The following ZNF703 variants were observed in gnomAD, a reference collection of about 807,000 sequenced individuals.
The protein encoded by ZNF703 is NocA-like zinc finger 1.
ZNF703 carries 18 observed loss-of-function variants against 30.7 expected under a neutral mutation model. The observed-to-expected ratio is 0.59, with a 90% confidence interval of 0.40 to 0.87. ZNF703 has a LOEUF of 0.87. Among genes scored for constraint, ZNF703 ranks in the 40% least tolerant of loss-of-function variants. The pLI is 0.00. For synonymous variants in ZNF703, 457 were observed against 438.6 expected (o/e 1.04, Z -0.52); for missense variants, 814 against 847.8 (o/e 0.96, Z 0.50).
chr8:37,697,278 C>G lies in ZNF703; in HGVS notation c.377C>G (p.Pro126Arg). The G allele has an allele frequency of 6.4e-7, 1 of 1,572,108 alleles. No homozygotes were observed. The highest frequency in any genetic ancestry group is 1.8e-5 in the Admixed American group (1 of 54,526). Residue 126 changes from proline (P) to arginine (R), a missense_variant, in exon 2 of 2, where the codon CCC becomes CGC. By Grantham distance (103) the Pro-to-Arg change is moderately radical. Transcript: ENST00000331569. ...AACGGGCTGGGAGCGGAGAAGGACC[C>G]CGGCCGCTCAGCCCCGGGCGCCGCC... is the stretch of plus-strand genomic sequence containing the variant. The part of the protein sequence containing the change: ...AANGLGAEKD[P>R]GRSAPGAASA...
Position 37,698,260 on chromosome 8 carries a change from G to T in ZNF703, c.1359G>T (p.Pro453=). ...YTYGFMLQNE[P]LPHSCNWVAA... ...ACGGCTTCATGCTGCAGAACGAACC[G>T]CTGCCGCACAGCTGCAACTGGGTGG... The change falls in exon 2 of 2, where the codon CCG becomes CCT. Residue 453 remains proline, a synonymous_variant. Transcript: ENST00000331569. 1 of 1,537,946 alleles carries T rather than the reference G, an allele frequency of 6.5e-7. No individual in the cohort carries two copies. Among genetic ancestry groups the T allele is most frequent in the Non-Finnish European group, 8.7e-7 (1 of 1,147,262 alleles).
Position 37,697,171 on chromosome 8 carries a change from G to A in ZNF703, c.270G>A (p.Ala90=). 1.3e-5 allele frequency: 20 copies of A among 1,583,910 alleles called. No individual in the cohort carries two copies. The highest frequency in any genetic ancestry group is 4.8e-5 in the East Asian group (2 of 42,020). ...TGGACGCCAAGAAGAGCCCCTTGGC[G>A]CTGCTGGCTCAGACCTGCTCGCAGA... ...IELDAKKSPL[A]LLAQTCSQIG... Residue 90 remains alanine (A), a synonymous_variant, in exon 2 of 2, where the codon GCG becomes GCA. Transcript: ENST00000331569.
Position 37,697,822 on chromosome 8 carries a change from G to C in ZNF703, c.921G>C (p.Pro307=). The C allele has an allele frequency of 6.5e-7, 1 of 1,533,496 alleles. No homozygotes were observed. Among genetic ancestry groups the C allele is most frequent in the Non-Finnish European group, 8.7e-7 (1 of 1,145,834 alleles). 95.0% of individuals were successfully genotyped at this position (1,533,496 alleles called of 1,614,324 possible). A position where few individuals can be genotyped will look rare whatever the true frequency, so the allele number is the denominator to read the frequency against. The change falls in exon 2 of 2, where the codon CCG becomes CCC. Residue 307 remains proline (P), a synonymous_variant. Transcript: ENST00000331569. Reference sequence around the variant, plus strand: ...ACAAGCCGGGCCACTCGGTGTTCCCGCTGCCGCCCTCCAGCATTGGCTACC... The same window carrying C: ...ACAAGCCGGGCCACTCGGTGTTCCCCCTGCCGCCCTCCAGCATTGGCTACC... The part of the protein sequence containing the change: ...SPYKPGHSVF[P]LPPSSIGYHG...
Position 37,697,955 on chromosome 8 carries a change from C to G in ZNF703, c.1054C>G (p.Leu352Val). 6.4e-7 allele frequency: 1 copy of G among 1,553,894 alleles called. No homozygotes were observed. The highest frequency in any genetic ancestry group is 8.6e-7 in the Non-Finnish European group (1 of 1,156,496). Residue 352 changes from leucine (L) to valine (V), a missense_variant, in exon 2 of 2, where the codon CTG becomes GTG. Leu to Val is a conservative substitution (Grantham distance 32, BLOSUM62 1). Transcript: ENST00000331569. ...VGGQLSGGLG[L>V]PPGKPPSSSP... ...AGGCCAGCTGTCTGGGGGCCTGGGC[C>G]TGCCGCCGGGCAAGCCCCCCAGCTC...
chr8:37,696,130 A>G lies in ZNF703; in HGVS notation c.151A>G (p.Arg51Gly), dbSNP rs1439319339. Reference sequence around the variant, plus strand: ...GCGCCAGGCGAACCGGCTCCCGATCAGGGTCCTGAAGATGCTGAGCGCTCA... The same window carrying G: ...GCGCCAGGCGAACCGGCTCCCGATCGGGGTCCTGAAGATGCTGAGCGCTCA... ...PLRQANRLPI[R>G]VLKMLSAHTG... The change falls in exon 1 of 2, where the codon AGG becomes GGG. Residue 51 changes from arginine (R) to glycine (G), a missense_variant. Arg to Gly is a moderately radical substitution (Grantham distance 125). Coordinates refer to ENST00000331569, the MANE Select transcript of ZNF703 (RefSeq NM_025069.3). This position sits in a 1 kb window ranked among gnomAD's most constrained non-coding sequence, Gnocchi z 8.2. 1.9e-6 allele frequency: 3 copies of G among 1,610,950 alleles called. No homozygotes were observed. The highest frequency in any genetic ancestry group is 1.7e-5 in the Admixed American group (1 of 59,876).
In ZNF703 at chr8:37,696,021, A is replaced by G. The variant is rs1158422931; in HGVS notation, c.42A>G (p.Glu14=). Residue 14 remains glutamate (E), a synonymous_variant, in exon 1 of 2, where the codon GAA becomes GAG. Coordinates refer to ENST00000331569, the MANE Select transcript of ZNF703 (RefSeq NM_025069.3). The surrounding 1 kb of genome is among the most constrained non-coding windows in gnomAD (Gnocchi z 8.2). ...CTGGATCTAACCCAAGGACACCCGA[A>G]AGCAGCGGCAGCGGCAGCGGCGGCG... ...SPAGSNPRTP[E]SSGSGSGGGG... is the part of the protein sequence containing the mutation. The G allele has an allele frequency of 4.5e-6, 7 of 1,549,640 alleles. No individual in the cohort carries two copies. The South Asian group carries it at 8.3e-5, about 18-fold the overall frequency.
Position 37,698,415 on chromosome 8 carries a change from GCGCCGCCGCCGC to G in ZNF703, c.1531_1542del (p.Ala511_Ala514del), listed in dbSNP as rs568050040. On this transcript the variant is annotated inframe_deletion, in exon 2 of 2. Coordinates refer to ENST00000331569, the MANE Select transcript of ZNF703 (RefSeq NM_025069.3). The stretch of plus-strand genomic sequence containing the variant: ...TACCCCGGGGCCTCGGGCCTGGGCA[GCGCCGCCGCCGC>G]CGCCGCCGCCGCCGCCTCCTGCCAT... The G allele has an allele frequency of 9.7e-5, 144 of 1,483,618 alleles. 2 individuals carry two copies. Among genetic ancestry groups the G allele is most frequent in the Admixed American group, 6.2e-4 (24 of 38,916 alleles). 91.9% of individuals were successfully genotyped at this position (1,483,618 alleles called of 1,614,324 possible). A position where few individuals can be genotyped will look rare whatever the true frequency, so the allele number is the denominator to read the frequency against.
Position 37,695,904 on chromosome 8 carries a change from C to A in ZNF703, c.-76C>A. On this transcript the variant is annotated 5_prime_UTR_variant, in exon 1 of 2. Coordinates refer to ENST00000331569, the MANE Select transcript of ZNF703 (RefSeq NM_025069.3). ...ACCGCGATCGACGCTGCGGAGCGAG[C>A]CCACCCGCCCCGGGAGCTCGCCTCC... The A allele has an allele frequency of 1.7e-6, 2 of 1,193,012 alleles. No individual in the cohort carries two copies. The highest frequency in any genetic ancestry group is 2.2e-6 in the Non-Finnish European group (2 of 892,236). The allele number at this position is 1,193,012 out of a possible 1,614,324, so 73.9% of individuals were successfully genotyped here. A position where few individuals can be genotyped will look rare whatever the true frequency, so the allele number is the denominator to read the frequency against.
Position 37,697,544 on chromosome 8 carries a change from T to A in ZNF703, c.643T>A (p.Ser215Thr). 6.8e-7 allele frequency: 1 copy of A among 1,475,228 alleles called. No individual in the cohort carries two copies. Among genetic ancestry groups the A allele is most frequent in the East Asian group, 2.7e-5 (1 of 37,044 alleles). The allele number at this position is 1,475,228 out of a possible 1,614,324, so 91.4% of individuals were successfully genotyped here. ...HGAPVSASSS[S>T]SSPGGSRGGS... is the part of the protein sequence containing the mutation. ...AGCGCCGGTCTCCGCATCCTCGTCC[T>A]CGTCGTCGCCCGGCGGCTCCCGCGG... Residue 215 changes from serine (S) to threonine (T), a missense_variant, in exon 2 of 2, where the codon TCG becomes ACG. Ser to Thr is a moderately conservative substitution (Grantham distance 58). Transcript: ENST00000331569.
chr8:37,697,576 C>T lies in ZNF703; in HGVS notation c.675C>T (p.Ser225=), dbSNP rs1353210417. 2.7e-6 allele frequency: 4 copies of T among 1,465,232 alleles called. No individual in the cohort carries two copies. The highest frequency in any genetic ancestry group is 1.5e-5 in the African/African-American group (1 of 68,436). 90.8% of individuals were successfully genotyped at this position (1,465,232 alleles called of 1,614,324 possible). ...SSSPGGSRGG[S]PHHSDCKNGG... ...CGCCCGGCGGCTCCCGCGGCGGCTC[C>T]CCGCACCACTCTGACTGCAAGAACG... Residue 225 remains serine, a synonymous_variant, in exon 2 of 2, where the codon TCC becomes TCT. Coordinates refer to ENST00000331569, the MANE Select transcript of ZNF703 (RefSeq NM_025069.3).
Position 37,696,277 on chromosome 8 carries a change from G to T in ZNF703, c.243+55G>T. 2 of 1,521,046 alleles carry T rather than the reference G, an allele frequency of 1.3e-6. No homozygotes were observed. Among genetic ancestry groups the T allele is most frequent in the South Asian group, 2.5e-5 (2 of 80,906 alleles). 94.2% of individuals were successfully genotyped at this position (1,521,046 alleles called of 1,614,324 possible). On this transcript the variant is annotated intron_variant, in intron 1 of 1. Transcript: ENST00000331569. The surrounding 1 kb of genome is among the most constrained non-coding windows in gnomAD (Gnocchi z 8.2). Reference sequence around the variant, plus strand: ...CGGCCCCATTCCTCCCACCGCGACCGGGACCCTGACCCAGCTCCCAGCGCC... The same window carrying T: ...CGGCCCCATTCCTCCCACCGCGACCTGGACCCTGACCCAGCTCCCAGCGCC...
chr8:37,696,069 G>A lies in ZNF703; in HGVS notation c.90G>A (p.Pro30=), dbSNP rs1248090801. Residue 30 remains proline (P), a synonymous_variant, in exon 1 of 2, where the codon CCG becomes CCA. Transcript: ENST00000331569. This position sits in a 1 kb window ranked among gnomAD's most constrained non-coding sequence, Gnocchi z 8.2. ...SGGGGKRPAV[P]AAVSLLPPAD... ...GCGGCGGGAAGAGGCCGGCGGTGCC[G>A]GCAGCGGTGTCCCTCTTGCCACCGG... 1 of 1,560,060 alleles carries A rather than the reference G, an allele frequency of 6.4e-7. No individual in the cohort carries two copies. The highest frequency in any genetic ancestry group is 8.7e-7 in the Non-Finnish European group (1 of 1,152,320).
chr8:37,698,956 CT>C lies in ZNF703; in HGVS notation c.*283del, dbSNP rs942875555. On this transcript the variant is annotated 3_prime_UTR_variant, in exon 2 of 2. Transcript: ENST00000331569. ...ACAAATAACGACATGATCCCCGCCC[CT>C]GTTCCTTTCTGTTATTTTTTCTTAG... 4.1e-4 allele frequency: 146 copies of C among 354,574 alleles called. 1 individual carries two copies. Among genetic ancestry groups the C allele is most frequent in the African/African-American group, 2.9e-3 (139 of 47,666 alleles). The allele number at this position is 354,574 out of a possible 1,614,324, so 22.0% of individuals were successfully genotyped here. A position where few individuals can be genotyped will look rare whatever the true frequency, so the allele number is the denominator to read the frequency against.
At position 37,697,470 on chromosome 8, in the gene ZNF703, C is replaced by T. The variant is rs1585876070; in HGVS notation, c.569C>T (p.Ala190Val). 3 of 1,538,608 alleles carry T rather than the reference C, an allele frequency of 1.9e-6. No individual in the cohort carries two copies. The highest frequency in any genetic ancestry group is 2.5e-5 in the East Asian group (1 of 39,698). The change falls in exon 2 of 2, where the codon GCG becomes GTG. Residue 190 changes from alanine (A) to valine (V), a missense_variant. Ala to Val is a moderately conservative substitution (Grantham distance 64). Transcript: ENST00000331569. ...SSSSSSPGDK[A>V]GFRVPSAACP... is the part of the protein sequence containing the mutation. The stretch of plus-strand genomic sequence containing the variant: ...TCCTCCTCGTCCCCGGGAGACAAGG[C>T]GGGCTTCAGGGTCCCCAGCGCCGCC...
rs1585877326 is a variant in ZNF703, at chr8:37,698,759, T to C, written c.*85T>C. The stretch of plus-strand genomic sequence containing the variant: ...CCCACCTGCCGTCGCCGCTGCAACC[T>C]CCACTACTGCTTGACCCTGCCGGGA... On this transcript the variant is annotated 3_prime_UTR_variant, in exon 2 of 2. Coordinates refer to ENST00000331569, the MANE Select transcript of ZNF703 (RefSeq NM_025069.3). 8.5e-7 allele frequency: 1 copy of C among 1,173,848 alleles called. No homozygotes were observed. Among genetic ancestry groups the C allele is most frequent in the Non-Finnish European group, 1.1e-6 (1 of 918,124 alleles). The allele number at this position is 1,173,848 out of a possible 1,614,324, so 72.7% of individuals were successfully genotyped here. A position where few individuals can be genotyped will look rare whatever the true frequency, so the allele number is the denominator to read the frequency against.
chr8:37,695,890 C>G lies in ZNF703; in HGVS notation c.-90C>G. 8.0e-7 allele frequency: 1 copy of G among 1,245,318 alleles called. No individual in the cohort carries two copies. Among genetic ancestry groups the G allele is most frequent in the Non-Finnish European group, 1.1e-6 (1 of 945,012 alleles). 77.1% of individuals were successfully genotyped at this position (1,245,318 alleles called of 1,614,324 possible). A position where few individuals can be genotyped will look rare whatever the true frequency, so the allele number is the denominator to read the frequency against. ...GCAGCTCCCGCTGCACCGCGATCGACGCTGCGGAGCGAGCCCACCCGCCCC... is the reference window on the plus strand; with the variant it reads ...GCAGCTCCCGCTGCACCGCGATCGAGGCTGCGGAGCGAGCCCACCCGCCCC... On this transcript the variant is annotated 5_prime_UTR_variant, in exon 1 of 2. Coordinates refer to ENST00000331569, the MANE Select transcript of ZNF703 (RefSeq NM_025069.3).
In ZNF703 at chr8:37,699,482, G is replaced by C. The variant is rs868131644; in HGVS notation, c.*808G>C. ...CACCAGTAGGCTCGCCCCCAGAAGG[G>C]CCCAAGTGGCCGTCTACCGTCACCT... On this transcript the variant is annotated 3_prime_UTR_variant, in exon 2 of 2. Coordinates refer to ENST00000331569, the MANE Select transcript of ZNF703 (RefSeq NM_025069.3). 6.6e-6 allele frequency: 1 copy of C among 152,254 alleles called. No individual in the cohort carries two copies. Among genetic ancestry groups the C allele is most frequent in the Non-Finnish European group, 1.5e-5 (1 of 68,122 alleles). 9.4% of individuals were successfully genotyped at this position (152,254 alleles called of 1,614,324 possible).
rs1802140971 is a variant in ZNF703, at chr8:37,699,910, C to T, written c.*1236C>T. 1 of 152,410 alleles carries T rather than the reference C, an allele frequency of 6.6e-6. No individual in the cohort carries two copies. The highest frequency in any genetic ancestry group is 1.5e-5 in the Non-Finnish European group (1 of 68,206). 9.4% of individuals were successfully genotyped at this position (152,410 alleles called of 1,614,324 possible). A position where few individuals can be genotyped will look rare whatever the true frequency, so the allele number is the denominator to read the frequency against. On this transcript the variant is annotated 3_prime_UTR_variant, in exon 2 of 2. Coordinates refer to ENST00000331569, the MANE Select transcript of ZNF703 (RefSeq NM_025069.3). ...GGGGTCTTCTCCCCACTCCTCCCTC[C>T]TTCTGGTCTGATGCGGCAGCGCGGG...
chr8:37,696,358 G>C lies in ZNF703; in HGVS notation c.243+136G>C, dbSNP rs565518641. ...CACGCTGGCGGGCTGAGTGAGGAGG[G>C]GAAGAAAACCGAGGGATCAGAGCCC... On this transcript the variant is annotated intron_variant, in intron 1 of 1. Transcript: ENST00000331569. The surrounding 1 kb of genome is among the most constrained non-coding windows in gnomAD (Gnocchi z 8.2). 1.0e-4 allele frequency: 139 copies of C among 1,387,948 alleles called. No homozygotes were observed. Among genetic ancestry groups the C allele is most frequent in the Non-Finnish European group, 1.2e-4 (132 of 1,057,536 alleles). The allele number at this position is 1,387,948 out of a possible 1,614,324, so 86.0% of individuals were successfully genotyped here.
Sources: gnomAD v4.1 joint callset for allele counts on GRCh38, gnomAD v4.1.1 for gene constraint, Gnocchi (gnomAD v3.1) non-coding constraint, MANE v1.5 for transcripts, NCBI Gene and HGNC (gene_info 2026-07-23, HGNC 2026-07-21) for gene names.